PCDH9: variants seen among roughly 807,000 people sequenced by gnomAD.
The protein encoded by PCDH9 is protocadherin-9.
In PCDH9, 24 loss-of-function variants were observed where a neutral mutation model predicts 70.6. The observed-to-expected ratio is 0.34, with a 90% CI of 0.25 to 0.48. The LOEUF is 0.48. Ranked by LOEUF, PCDH9 falls within the 20% of genes least tolerant of loss-of-function variation. The probability of loss-of-function intolerance (pLI) is 0.99; values close to 1 mark genes in which losing one functional copy is unlikely to be tolerated. For synonymous variants in PCDH9, 562 were observed against 558.5 expected (o/e 1.01, Z -0.09); for missense variants, 1,281 against 1,503.6 (o/e 0.85, Z 2.45).
Position 67,226,965 on chromosome 13 carries a change from A to G in PCDH9, c.1476T>C (p.Ser492=). 1 of 1,614,218 alleles carries G rather than the reference A, an allele frequency of 6.2e-7. No homozygotes were observed. The highest frequency in any genetic ancestry group is 1.1e-5 in the South Asian group (1 of 91,080). ...NRRGLYLTTI[S]ATDEDSGKNA... is the part of the protein sequence containing the mutation. ...TTTTCCCACTGTCTTCATCTGTGGCACTAATAGTTGTTAAGTATAACCCAC... is the reference window on the plus strand; with the variant it reads ...TTTTCCCACTGTCTTCATCTGTGGCGCTAATAGTTGTTAAGTATAACCCAC... The change falls in exon 2 of 5, where the codon AGT becomes AGC. Residue 492 remains serine, a synonymous_variant. Transcript: ENST00000377865. The surrounding 1 kb of genome is among the most constrained non-coding windows in gnomAD (Gnocchi z 5.0).
chr13:66,471,422 T>C (rs887717464), intron 4 of PCDH9, among the ~76,000 whole-genome samples: 1 of 152,158 alleles, frequency 6.6e-6, no homozygotes, highest in Non-Finnish European at 1.5e-5. Context: ...ACTAAAGGAA[T>C]CTGAAAAAAT....
At chr13:66,472,295 T>G (rs1328003999) in intron 4 of PCDH9, among the ~76,000 whole-genome samples, 1 of 150,682 alleles carries the variant, frequency 6.6e-6, no homozygotes, top group Non-Finnish European at 1.5e-5. Context: ...CCAGGTCAGG[T>G]GTGGTTGCTC....
At chr13:66,770,044 G>A (rs955500766) in intron 3 of PCDH9, among the ~76,000 whole-genome samples, 1 of 152,094 alleles carries the variant, frequency 6.6e-6, no homozygotes, top group African/African-American at 2.4e-5. Context: ...TATGGAAGTG[G>A]AAAATTGAGA....
chr13:66,550,366 G>T (rs1961431181), intron 4 of PCDH9, among the ~76,000 whole-genome samples: 1 of 152,034 alleles, frequency 6.6e-6, no homozygotes, highest in Non-Finnish European at 1.5e-5. Context: ...AGAAACAAAT[G>T]AGATTGAGAC....
At chr13:66,902,161 A>G (rs373375203) in intron 3 of PCDH9, among the ~76,000 whole-genome samples, 7 of 151,672 alleles carry the variant, frequency 4.6e-5, no homozygotes, top group African/African-American at 9.7e-5. Context: ...TCTTCTCTCA[A>G]TGTTCAAGAG....
intron 2 of PCDH9, among the ~76,000 whole-genome samples, chr13:67,047,414 A>G (rs1395557103): frequency 1.3e-5 from 2 of 152,228 alleles, no homozygotes; most frequent in East Asian, 1.9e-4. Flanking sequence ...TATATTTCTC[A>G]TATATAAATA....
intron 3 of PCDH9, among the ~76,000 whole-genome samples, chr13:66,829,717 CAAAAAAAAAAAAAAA>C (rs562176354): frequency 7.5e-5 from 4 of 53,128 alleles, no homozygotes; most frequent in Non-Finnish European, 9.7e-5. Context: ...GACTCCGTCT[CAAAAAAAAAAAAAAA>C]AAAAAAAAAA....
chr13:66,343,715 T>C (rs922335471), intron 4 of PCDH9, among the ~76,000 whole-genome samples: 3 of 152,246 alleles, frequency 2.0e-5, no homozygotes, highest in African/African-American at 7.2e-5. Context: ...CTCTGCATTT[T>C]AACATCCAAT....
Position 67,227,650 on chromosome 13 carries a change from T to C in PCDH9, c.791A>G (p.Asn264Ser), listed in dbSNP as rs767439919. 28 of 1,613,050 alleles carry C rather than the reference T, an allele frequency of 1.7e-5. No individual in the cohort carries two copies. The highest frequency in any genetic ancestry group is 2.4e-5 in the Non-Finnish European group (28 of 1,179,120). Residue 264 changes from asparagine (N) to serine (S), a missense_variant, in exon 2 of 5, where the codon AAT becomes AGT. Physicochemically the swap from Asn to Ser is conservative, Grantham distance 46. This residue lies in a region of PCDH9 where 798 missense variants were observed against 1,003.1 expected (regional missense o/e 0.80). Coordinates refer to ENST00000377865, the MANE Select transcript of PCDH9 (RefSeq NM_203487.3). This position sits in a 1 kb window ranked among gnomAD's most constrained non-coding sequence, Gnocchi z 4.6. ...EGQVEVHIPE[N>S]APVGTSVIQL... The stretch of plus-strand genomic sequence containing the variant: ...AATTACAGAGGTACCTACGGGAGCA[T>C]TCTCTGGAATATGCACCTCCACTTG...
At chr13:66,429,966 A>C (rs1957742207) in intron 4 of PCDH9, among the ~76,000 whole-genome samples, 1 of 152,042 alleles carries the variant, frequency 6.6e-6, no homozygotes, top group Non-Finnish European at 1.5e-5. Context: ...TATATCAGGG[A>C]GTCAGTTTCT....
chr13:67,035,890 T>A lies in PCDH9; in HGVS notation c.3037-132285A>T, dbSNP rs564166761. ...ATTTGTCCTTGGTTGATCTTCACAT[T>A]CCCTAAAAAGTTTTCATCTGGCCAC... On this transcript the variant is annotated intron_variant, in intron 2 of 4. Transcript: ENST00000377865. Among the ~76,000 whole-genome samples, 8 of 152,254 alleles carry A rather than the reference T, an allele frequency of 5.3e-5. No homozygotes were observed. In the East Asian group the frequency reaches 1.2e-3, roughly 22 times the overall value.
At chr13:66,511,025 A>G (rs1959445255) in intron 4 of PCDH9, among the ~76,000 whole-genome samples, 2 of 151,938 alleles carry the variant, frequency 1.3e-5, no homozygotes, top group Non-Finnish European at 2.9e-5. Flanking sequence ...GAAGAAAACT[A>G]CTCTTTCCAC....
intron 4 of PCDH9, among the ~76,000 whole-genome samples, chr13:66,502,140 G>T (rs547120371): frequency 1.3e-5 from 2 of 152,240 alleles, no homozygotes; most frequent in East Asian, 3.9e-4. Context: ...ATGCCTAGTG[G>T]CTACATTGGG....
intron 3 of PCDH9, among the ~76,000 whole-genome samples, chr13:66,718,882 C>T (rs2078905541): frequency 6.6e-6 from 1 of 152,260 alleles, no homozygotes. Context: ...TGGCTTGCAG[C>T]GTGGACCAGA....
At chr13:66,577,169 TCTA>T (rs775164809) in intron 4 of PCDH9, among the ~76,000 whole-genome samples, 242 of 151,974 alleles carry the variant, frequency 1.6e-3, no homozygotes, top group Non-Finnish European at 1.7e-3. Flanking sequence ...AGTGAACCAG[TCTA>T]CTAACAAATA....
chr13:66,764,208 A>G (rs1255545883), intron 3 of PCDH9, among the ~76,000 whole-genome samples: 1 of 151,914 alleles, frequency 6.6e-6, no homozygotes, highest in East Asian at 1.9e-4. Flanking sequence ...TAAAAATATA[A>G]TGATTGATCA....
At chr13:66,838,237 T>A (rs1320720113) in intron 3 of PCDH9, among the ~76,000 whole-genome samples, 1 of 152,070 alleles carries the variant, frequency 6.6e-6, no homozygotes, top group Non-Finnish European at 1.5e-5. Flanking sequence ...TCTTGAAAGG[T>A]CTCTTTGGGT....
In PCDH9 at chr13:67,118,260, G is replaced by T. The variant is rs1254552828; in HGVS notation, c.3036+107145C>A. ...ATGTCCTAGCTTCTTGGTACTACTA[G>T]CAGGAGTGGGATTCAACTAGTTGGT... is the stretch of plus-strand genomic sequence containing the variant. On this transcript the variant is annotated intron_variant, in intron 2 of 4. Transcript: ENST00000377865. Among the ~76,000 whole-genome samples the T allele has an allele frequency of 2.0e-5, 3 of 152,156 alleles. No homozygotes were observed. In the East Asian group the frequency reaches 5.8e-4, roughly 29 times the overall value.
chr13:66,881,152 C>A (rs1374882623), intron 3 of PCDH9, among the ~76,000 whole-genome samples: 1 of 152,162 alleles, frequency 6.6e-6, no homozygotes, highest in Non-Finnish European at 1.5e-5. Context: ...GTTAACTGAA[C>A]TATTAGTGAA....
Sources: allele counts gnomAD v4.1 joint callset (sites outside exome capture counted in the v4.1 genomes callset), GRCh38; gene constraint gnomAD v4.1.1; regional missense constraint gnomAD v4.1.1; non-coding constraint Gnocchi (gnomAD v3.1); transcripts MANE v1.5; gene names NCBI Gene and HGNC (gene_info 2026-07-23, HGNC 2026-07-21).